SIRT1: variants seen among roughly 807,000 people sequenced by gnomAD.
SIRT1 encodes the protein sirtuin 1, also known as NAD-dependent protein deacetylase sirtuin-1.
SIRT1 carries 24 observed loss-of-function variants against 67.9 expected under a neutral mutation model. The ratio of observed to expected loss-of-function variants is 0.35; its 90% CI spans 0.26 to 0.50. SIRT1 has a LOEUF of 0.50. Among genes scored for constraint, SIRT1 ranks in the 20% least tolerant of loss-of-function variants. The pLI, the probability that SIRT1 is intolerant of heterozygous loss-of-function variation, is 0.98. For synonymous variants in SIRT1, 378 were observed against 350.7 expected, an observed-to-expected ratio of 1.08 and a Z score of -0.87; for missense variants, 873 against 937.2, an observed-to-expected ratio of 0.93 and a Z score of 0.89.
At chr10:67,910,969 T>TA (rs1267242009) in intron 7 of SIRT1, among the ~76,000 whole-genome samples, 1 of 152,092 alleles carries the variant, frequency 6.6e-6, no homozygotes, top group Non-Finnish European at 1.5e-5. Flanking sequence ...GCAGCCAGAG[T>TA]AAACAGTTGG....
chr10:67,916,788 AAC>A lies in SIRT1; in HGVS notation c.*196_*197del, dbSNP rs1564896472. ...TCTGTACTTGTACAAACTCAACACT[AAC>A]TTTTTTTTTTTTAAAAAAAAAAAGG... On this transcript the variant is annotated 3_prime_UTR_variant, in exon 9 of 9. Coordinates refer to ENST00000212015, the MANE Select transcript of SIRT1 (RefSeq NM_012238.5). The A allele has an allele frequency of 6.2e-5, 23 of 372,568 alleles. No individual in the cohort carries two copies. Among genetic ancestry groups the A allele is most frequent in the East Asian group, 1.5e-4 (4 of 27,388 alleles). 23.1% of individuals were successfully genotyped at this position (372,568 alleles called of 1,614,324 possible). A position where few individuals can be genotyped will look rare whatever the true frequency, so the allele number is the denominator to read the frequency against.
At chr10:67,903,507 C>T (rs990266766) in intron 4 of SIRT1, among the ~76,000 whole-genome samples, 4 of 151,862 alleles carry the variant, frequency 2.6e-5, no homozygotes, top group Non-Finnish European at 4.4e-5. Context: ...GCCTTAGCCT[C>T]CCGAGTAGTG....
chr10:67,908,907 A>G lies in SIRT1; in HGVS notation c.1171-349A>G, dbSNP rs564062158. On this transcript the variant is annotated intron_variant, in intron 6 of 8. Transcript: ENST00000212015. ...ACAGAACAAGACTCCATCTCAAATAAATAAAATGGAATCATTTTATTTGAC... is the reference window on the plus strand; with the variant it reads ...ACAGAACAAGACTCCATCTCAAATAGATAAAATGGAATCATTTTATTTGAC... Among the ~76,000 whole-genome samples the G allele has an allele frequency of 6.6e-5, 10 of 152,298 alleles. No homozygotes were observed. In the East Asian group the frequency reaches 1.3e-3, roughly 21 times the overall value.
Position 67,889,089 on chromosome 10 carries a change from A to G in SIRT1, c.755A>G (p.Glu252Gly). Reference protein sequence around the residue: ...TIEDAVKLLQECKKIIVLTGA... With the variant: ...TIEDAVKLLQGCKKIIVLTGA... ...GAAGATGCTGTGAAATTACTGCAAGAGTGCAAAAAAATTATAGTTCTAACT... is the reference window on the plus strand; with the variant it reads ...GAAGATGCTGTGAAATTACTGCAAGGGTGCAAAAAAATTATAGTTCTAACT... The change falls in exon 3 of 9, where the codon GAG becomes GGG. Residue 252 changes from glutamate to glycine, a missense_variant. Physicochemically the swap from Glu to Gly is moderately conservative, Grantham distance 98 (BLOSUM62 -2). Coordinates refer to ENST00000212015, the MANE Select transcript of SIRT1 (RefSeq NM_012238.5). 1.2e-6 allele frequency: 2 copies of G among 1,605,486 alleles called. No homozygotes were observed. Among genetic ancestry groups the G allele is most frequent in the South Asian group, 1.1e-5 (1 of 90,616 alleles).
At position 67,913,073 on chromosome 10, in the gene SIRT1, T is replaced by A. The variant is rs766017345; in HGVS notation, c.1915+42T>A. 2.6e-6 allele frequency: 4 copies of A among 1,541,172 alleles called. No individual in the cohort carries two copies. The South Asian group carries it at 5.1e-5, about 20-fold the overall frequency. On this transcript the variant is annotated intron_variant, in intron 8 of 8. Transcript: ENST00000212015. Reference sequence around the variant, plus strand: ...GACCATTTTGAAAGTATAAATGTCATAACAGTATTTCCAAAAAATTAGCTA... The same window carrying A: ...GACCATTTTGAAAGTATAAATGTCAAAACAGTATTTCCAAAAAATTAGCTA...
rs1842448466 is a variant in SIRT1, at chr10:67,884,808, C to G, written c.87C>G (p.Ala29=). The stretch of plus-strand genomic sequence containing the variant: ...ACAGGGAGGCCGCGTCGTCCCCCGC[C>G]GGGGAGCCGCTCCGCAAGAGGCCGC... ...GADREAASSP[A]GEPLRKRPRR... The change falls in exon 1 of 9, where the codon GCC becomes GCG. Residue 29 remains alanine (A), a synonymous_variant. Coordinates refer to ENST00000212015, the MANE Select transcript of SIRT1 (RefSeq NM_012238.5). 3 of 1,224,426 alleles carry G rather than the reference C, an allele frequency of 2.5e-6. No individual in the cohort carries two copies. The highest frequency in any genetic ancestry group is 3.1e-6 in the Non-Finnish European group (3 of 983,370). 75.8% of individuals were successfully genotyped at this position (1,224,426 alleles called of 1,614,324 possible).
At chr10:67,904,807 G>A (rs1342993739) in intron 4 of SIRT1, among the ~76,000 whole-genome samples, 5 of 150,346 alleles carry the variant, frequency 3.3e-5, no homozygotes, top group African/African-American at 9.8e-5. Context: ...TCGCGCCATT[G>A]CACTCCAGCC....
rs375988661 is a variant in SIRT1, at chr10:67,888,954, C to T, written c.620C>T (p.Pro207Leu). The change falls in exon 3 of 9, where the codon CCG becomes CTG. Residue 207 changes from proline to leucine, a missense_variant. Pro to Leu is a moderately conservative substitution (Grantham distance 98). Transcript: ENST00000212015. ...CGAACAATTCTTAAAGATTTATTGC[C>T]GGAAACAATACCTCCACCTGAGTTG... ...DPRTILKDLL[P>L]ETIPPPELDD... 2.5e-6 allele frequency: 4 copies of T among 1,613,672 alleles called. No homozygotes were observed. The highest frequency in any genetic ancestry group is 1.7e-5 in the Admixed American group (1 of 59,986).
rs1047522548 is a variant in SIRT1 at position 67,889,111 on chromosome 10, A to G, written c.777A>G (p.Leu259=). Residue 259 remains leucine (L), a synonymous_variant, in exon 3 of 9, where the codon CTA becomes CTG. Coordinates refer to ENST00000212015, the MANE Select transcript of SIRT1 (RefSeq NM_012238.5). ...AAGAGTGCAAAAAAATTATAGTTCT[A>G]ACTGGAGCTGGGGTATGTAAGACTA... The part of the protein sequence containing the change: ...LLQECKKIIV[L]TGAGVSVSCG... 1.2e-6 allele frequency: 2 copies of G among 1,600,596 alleles called. No homozygotes were observed. The highest frequency in any genetic ancestry group is 1.7e-6 in the Non-Finnish European group (2 of 1,179,310).
chr10:67,898,760 A>C (rs1842697647), intron 4 of SIRT1, among the ~76,000 whole-genome samples: 1 of 152,012 alleles, frequency 6.6e-6, no homozygotes, highest in Non-Finnish European at 1.5e-5. Context: ...TGCTTGAACC[A>C]AAGAGTTTGA....
intron 2 of SIRT1, 64 bp downstream of exon 2, chr10:67,887,597 A>AC: frequency 8.8e-7 from 1 of 1,141,106 alleles, no homozygotes; most frequent in Admixed American, 1.8e-5. Context: ...TTGTTTTGAG[A>AC]CAGAGTTTCG....
At chr10:67,889,977 T>G (rs1842543362) in intron 3 of SIRT1, among the ~76,000 whole-genome samples, 1 of 111,866 alleles carries the variant, frequency 8.9e-6, no homozygotes, top group African/African-American at 3.5e-5. Context: ...TTATACACCT[T>G]TTTTTTTTTT....
Position 67,885,016 on chromosome 10 carries a change from G to A in SIRT1, c.295G>A (p.Gly99Arg), listed in dbSNP as rs1842451855. 7.5e-7 allele frequency: 1 copy of A among 1,327,604 alleles called. No individual in the cohort carries two copies. Among genetic ancestry groups the A allele is most frequent in the Non-Finnish European group, 9.7e-7 (1 of 1,030,154 alleles). 82.2% of individuals were successfully genotyped at this position (1,327,604 alleles called of 1,614,324 possible). A position where few individuals can be genotyped will look rare whatever the true frequency, so the allele number is the denominator to read the frequency against. ...AGAGGCCCAGGCGACTGCGGCGGCTGGGGAAGGAGACAATGGGCCGGGCCT... is the reference window on the plus strand; with the variant it reads ...AGAGGCCCAGGCGACTGCGGCGGCTAGGGAAGGAGACAATGGGCCGGGCCT... ...EQEAQATAAA[G>R]EGDNGPGLQG... Residue 99 changes from glycine to arginine, a missense_variant, in exon 1 of 9, where the codon GGG (glycine) becomes AGG (arginine). Physicochemically the swap from Gly to Arg is moderately radical, Grantham distance 125. Coordinates refer to ENST00000212015, the MANE Select transcript of SIRT1 (RefSeq NM_012238.5).
At chr10:67,894,931 C>T (rs527935538) in intron 4 of SIRT1, among the ~76,000 whole-genome samples, 6 of 152,208 alleles carry the variant, frequency 3.9e-5, no homozygotes, top group Non-Finnish European at 8.8e-5. Flanking sequence ...GTCGTGACCT[C>T]GTGATCCGCC....
At chr10:67,902,189 A>G (rs1336848223) in intron 4 of SIRT1, among the ~76,000 whole-genome samples, 1 of 152,022 alleles carries the variant, frequency 6.6e-6, no homozygotes, top group Admixed American at 6.6e-5. Context: ...GGGTTTCACC[A>G]TGTTGGCCAG....
chr10:67,897,900 G>T (rs1842682311), intron 4 of SIRT1, among the ~76,000 whole-genome samples: 1 of 150,906 alleles, frequency 6.6e-6, no homozygotes. Context: ...AAAAATGAGT[G>T]GTTGTATTTA....
chr10:67,902,640 T>TG (rs1225178720), intron 4 of SIRT1, among the ~76,000 whole-genome samples: 2 of 152,196 alleles, frequency 1.3e-5, no homozygotes, highest in Non-Finnish European at 2.9e-5. Flanking sequence ...GCAGGATTGA[T>TG]GCATTTCACT....
chr10:67,885,592 T>C (rs1224604637), intron 1 of SIRT1, among the ~76,000 whole-genome samples: 1 of 89,668 alleles, frequency 1.1e-5, no homozygotes. Context: ...TCAATTGCTT[T>C]TTGCAAACTT....
intron 4 of SIRT1, among the ~76,000 whole-genome samples, chr10:67,899,779 T>G (rs1842712846): frequency 6.6e-6 from 1 of 151,932 alleles, no homozygotes; most frequent in African/African-American, 2.4e-5. Context: ...TTAAGGCAGT[T>G]TAAAAACTAT....
Sources: allele counts gnomAD v4.1 joint callset (sites outside exome capture counted in the v4.1 genomes callset), GRCh38; gene constraint gnomAD v4.1.1; transcripts MANE v1.5; gene names NCBI Gene and HGNC (gene_info 2026-07-23, HGNC 2026-07-21).